The following HECW2 variants were observed in gnomAD, a reference collection of about 807,000 sequenced individuals.
The protein encoded by HECW2 is HECT, C2 and WW domain containing E3 ubiquitin protein ligase 2.
In HECW2, 61 loss-of-function variants were observed where a neutral mutation model predicts 175.2. That is an observed-to-expected ratio of 0.35 (90% CI 0.28 to 0.43). The LOEUF (loss-of-function observed/expected upper bound fraction) is 0.43, where lower values mean the gene tolerates loss of function less well. HECW2 is among the 20% of genes least tolerant of loss of function. The pLI is 1.00. For missense variants in HECW2, 1,524 were observed against 2,000.5 expected (o/e 0.76, Z 4.54); for synonymous variants, 671 against 731.0 (o/e 0.92, Z 1.32).
At position 196,216,801 on chromosome 2, in the gene HECW2, C is replaced by T. The variant is rs1687492021; in HGVS notation, c.4494+207G>A. Among the ~76,000 whole-genome samples, 2 of 152,122 alleles carry T rather than the reference C, an allele frequency of 1.3e-5. 1 individual carries two copies. The highest frequency in any genetic ancestry group is 4.8e-5 in the African/African-American group (2 of 41,424). ...TGGACTTGACACTTCCCTAAACTCT[C>T]ATGAAATGCTTTAAGTTGGCTTAGG... is the stretch of plus-strand genomic sequence containing the variant. On this transcript the variant is annotated intron_variant, in intron 27 of 28. Coordinates refer to ENST00000644978, the MANE Select transcript of HECW2 (RefSeq NM_001348768.2).
intron 1 of HECW2, among the ~76,000 whole-genome samples, chr2:196,558,002 A>G (rs1689867354): frequency 1.3e-5 from 2 of 152,206 alleles, no homozygotes; most frequent in South Asian, 4.1e-4. Flanking sequence ...AACACTTCAC[A>G]TATATTATTA....
intron 1 of HECW2, among the ~76,000 whole-genome samples, chr2:196,491,463 TA>T (rs1687190017): frequency 1.6e-5 from 2 of 125,148 alleles, no homozygotes; most frequent in African/African-American, 2.8e-5. Flanking sequence ...TTAGGTATAT[TA>T]GGTGTGTGTA....
At chr2:196,282,783 G>C (rs1328404758) in intron 14 of HECW2, among the ~76,000 whole-genome samples, 1 of 152,156 alleles carries the variant, frequency 6.6e-6, no homozygotes, top group Non-Finnish European at 1.5e-5. Flanking sequence ...TAAGGTCTCT[G>C]TGTTGGTGTT....
intron 28 of HECW2, among the ~76,000 whole-genome samples, chr2:196,210,287 TGTCTGTGTGC>T (rs1687230647): frequency 1.3e-5 from 2 of 152,142 alleles, no homozygotes; most frequent in East Asian, 1.9e-4. Context: ...TGTATGTGTG[TGTCTGTGTGC>T]CTGTGTGTAC....
chr2:196,233,382 C>A (rs1176950514), intron 21 of HECW2, among the ~76,000 whole-genome samples: 1 of 152,030 alleles, frequency 6.6e-6, no homozygotes, highest in Non-Finnish European at 1.5e-5. Context: ...TCAGTGGCAC[C>A]CAAAATTTGT....
At chr2:196,271,091 T>C (rs538070728) in intron 17 of HECW2, 102 bp downstream of exon 17, 4 of 724,582 alleles carry the variant, frequency 5.5e-6, no homozygotes, top group African/African-American at 5.3e-5. Context: ...TTGCAAAGGA[T>C]GTCAGAAAGA....
chr2:196,318,730 T>C lies in HECW2; in HGVS notation c.2160A>G (p.Pro720=). 6.5e-7 allele frequency: 1 copy of C among 1,546,354 alleles called. No homozygotes were observed. The highest frequency in any genetic ancestry group is 8.7e-7 in the Non-Finnish European group (1 of 1,146,500). ...VQVPSGEDEG[P]GAESATVPDQ... ...CAGGTACAGTGGCCGATTCTGCCCC[T>C]GGCCCTTCATCCTCCCCACTGGGCA... Residue 720 remains proline (P), a synonymous_variant, in exon 9 of 29, where the codon CCA becomes CCG. Transcript: ENST00000644978.
chr2:196,593,089 C>T (rs1001156630), intron 1 of HECW2, among the ~76,000 whole-genome samples: 2 of 151,222 alleles, frequency 1.3e-5, no homozygotes, highest in African/African-American at 4.8e-5. Context: ...CCCTCCGCAG[C>T]GGGCTGGGTC....
At chr2:196,536,778 T>C (rs999253912) in intron 1 of HECW2, among the ~76,000 whole-genome samples, 2 of 152,186 alleles carry the variant, frequency 1.3e-5, no homozygotes, top group African/African-American at 4.8e-5. Flanking sequence ...AAATGGCCAC[T>C]GTGCTACTCA....
At chr2:196,257,165 T>C (rs1346756408) in intron 18 of HECW2, among the ~76,000 whole-genome samples, 1 of 152,196 alleles carries the variant, frequency 6.6e-6, no homozygotes, top group Non-Finnish European at 1.5e-5. Flanking sequence ...TACTATGGCT[T>C]GCCTACATTT....
chr2:196,262,583 T>G (rs894543153), intron 17 of HECW2, among the ~76,000 whole-genome samples: 2 of 151,926 alleles, frequency 1.3e-5, no homozygotes, highest in African/African-American at 2.4e-5. Flanking sequence ...TTTTTTTTTT[T>G]GAGATGGAGT....
chr2:196,228,171 T>A lies in HECW2; in HGVS notation c.3848A>T (p.Tyr1283Phe). 6.2e-7 allele frequency: 1 copy of A among 1,613,742 alleles called. No homozygotes were observed. The highest frequency in any genetic ancestry group is 8.5e-7 in the Non-Finnish European group (1 of 1,179,760). ...LFNPYYGLFE[Y>F]SANDTYTVQI... ...TACTGTGTATGTGTCATTGGCTGAA[T>A]ATTCAAATAAGCCATAATATGGGTT... Residue 1283 changes from tyrosine (Y) to phenylalanine (F), a missense_variant, in exon 22 of 29, where the codon TAT becomes TTT. Tyr to Phe is a conservative substitution (Grantham distance 22, BLOSUM62 3). Transcript: ENST00000644978.
At chr2:196,590,639 T>C (rs759980910) in intron 1 of HECW2, among the ~76,000 whole-genome samples, 5 of 152,198 alleles carry the variant, frequency 3.3e-5, no homozygotes, top group Non-Finnish European at 4.4e-5. Flanking sequence ...AACAAGCATT[T>C]TGAATGCAAG....
At chr2:196,366,725 C>T (rs72925422) in intron 2 of HECW2, among the ~76,000 whole-genome samples, 4,368 of 152,186 alleles carry the variant, frequency 0.029, 208 homozygotes, top group African/African-American at 0.098. Flanking sequence ...TTTGTGTTAA[C>T]GTTGCATTAA....
chr2:196,469,205 G>T (rs1266962428), intron 1 of HECW2, among the ~76,000 whole-genome samples: 1 of 151,572 alleles, frequency 6.6e-6, no homozygotes, highest in East Asian at 1.9e-4. Context: ...TATAAGAGGA[G>T]CTGCCCCGCC....
At chr2:196,495,064 A>G (rs1029857508) in intron 1 of HECW2, among the ~76,000 whole-genome samples, 2 of 151,408 alleles carry the variant, frequency 1.3e-5, no homozygotes, top group Non-Finnish European at 2.9e-5. Context: ...AATGTAACAT[A>G]TATCATTCTT....
intron 19 of HECW2, among the ~76,000 whole-genome samples, chr2:196,245,281 C>T (rs772288678): frequency 8.5e-5 from 13 of 152,156 alleles, no homozygotes; most frequent in East Asian, 5.8e-4. Flanking sequence ...CACAAGTCTA[C>T]GAAGCGGGTA....
chr2:196,444,607 C>T (rs1031764462), intron 1 of HECW2, among the ~76,000 whole-genome samples: 3 of 152,168 alleles, frequency 2.0e-5, no homozygotes, highest in African/African-American at 7.2e-5. Flanking sequence ...CTACTCTCTC[C>T]CTACAGCACT....
At chr2:196,487,809 G>A (rs1419718122) in intron 1 of HECW2, among the ~76,000 whole-genome samples, 1 of 152,154 alleles carries the variant, frequency 6.6e-6, no homozygotes, top group African/African-American at 2.4e-5. Flanking sequence ...TATTAGATCA[G>A]CATATTTACT....
Sources: allele counts gnomAD v4.1 joint callset (sites outside exome capture counted in the v4.1 genomes callset), GRCh38; gene constraint gnomAD v4.1.1; transcripts MANE v1.5; gene names NCBI Gene and HGNC (gene_info 2026-07-23, HGNC 2026-07-21).